The following VSNL1 variants were observed in gnomAD, a reference collection of about 807,000 sequenced individuals.
VSNL1 encodes visinin like 1.
A neutral mutation model predicts 20.4 loss-of-function variants in VSNL1; 6 were observed. That is an observed-to-expected ratio of 0.29 (90% CI 0.16 to 0.58). VSNL1 has a LOEUF of 0.58. VSNL1 is among the 20% of genes least tolerant of loss of function. VSNL1 has a pLI of 0.90. For synonymous variants in VSNL1, 93 were observed against 86.4 expected, an observed-to-expected ratio of 1.08 and a Z score of -0.42; for missense variants, 100 against 234.5, an observed-to-expected ratio of 0.43 and a Z score of 3.75.
At chr2:17,579,339 T>A (rs553800799) in intron 1 of VSNL1, among the ~76,000 whole-genome samples, 1 of 152,174 alleles carries the variant, frequency 6.6e-6, no homozygotes, top group South Asian at 2.1e-4. Flanking sequence ...ATAGTGTCGA[T>A]CTCCTGACCT....
intron 1 of VSNL1, among the ~76,000 whole-genome samples, chr2:17,562,446 T>C (rs1663838350): frequency 6.6e-6 from 1 of 152,186 alleles, no homozygotes; most frequent in Non-Finnish European, 1.5e-5. Context: ...ACAAAGCTAA[T>C]ATTAACATGA....
At position 17,541,603 on chromosome 2, in the gene VSNL1, T is replaced by A. The variant is rs562506687; in HGVS notation, c.-6+685T>A. ...AGGCTCGGTCGCTGAATGGGGACTG[T>A]CAGACCCAAACTAGTTACCTGCCTT... On this transcript the variant is annotated intron_variant, in intron 1 of 3. Coordinates refer to ENST00000295156, the MANE Select transcript of VSNL1 (RefSeq NM_003385.5). 3.9e-5 allele frequency: 6 copies of A among 152,320 alleles called. No individual in the cohort carries two copies. In the East Asian group the frequency reaches 7.7e-4, roughly 20 times the overall value. The allele number at this position is 152,320 out of a possible 1,614,324, so 9.4% of individuals were successfully genotyped here.
At position 17,598,477 on chromosome 2, in the gene VSNL1, T is replaced by C. The variant is rs554051766; in HGVS notation, c.162+6241T>C. 6.7e-4 allele frequency among the ~76,000 whole-genome samples: 102 copies of C among 152,332 alleles called. 3 individuals carry two copies. The South Asian group carries it at 0.02, about 29-fold the overall frequency. On this transcript the variant is annotated intron_variant, in intron 2 of 3. Transcript: ENST00000295156. ...CAGATTGCTAGGCCCCTTCCTCAGG[T>C]TGCTAGTTCACTGGAATTAGAGACC...
At chr2:17,626,203 T>C (rs1451500437) in intron 2 of VSNL1, among the ~76,000 whole-genome samples, 3 of 152,224 alleles carry the variant, frequency 2.0e-5, no homozygotes, top group Non-Finnish European at 4.4e-5. Context: ...CTGCAAAAAC[T>C]GGTGCCCTTG....
chr2:17,582,577 G>A (rs1457864801), intron 1 of VSNL1, among the ~76,000 whole-genome samples: 1 of 152,088 alleles, frequency 6.6e-6, no homozygotes, highest in Non-Finnish European at 1.5e-5. Flanking sequence ...TTAACTTGTT[G>A]ATAGGTTTAC....
intron 2 of VSNL1, among the ~76,000 whole-genome samples, chr2:17,642,309 C>CTTTTTTTTTTTTTCTTTTTTTTT (rs1665898273): frequency 1.1e-5 from 1 of 93,194 alleles, no homozygotes; most frequent in Non-Finnish European, 2.3e-5. Flanking sequence ...GTGAGCATTC[C>CTTTTTTTTTTTTTCTTTTTTTTT]TTTTTTTTTT....
rs114623335 is a variant in VSNL1 at position 17,588,968 on chromosome 2, C to T, written c.-5-3102C>T. On this transcript the variant is annotated intron_variant, in intron 1 of 3. Coordinates refer to ENST00000295156, the MANE Select transcript of VSNL1 (RefSeq NM_003385.5). ...GCAAAAATAAATAAATAATAGTCCT[C>T]TCTCTCAAGAAACCATAATAACAAT... Among the ~76,000 whole-genome samples, 896 of 152,242 alleles carry T rather than the reference C, an allele frequency of 5.9e-3. 2 individuals carry two copies. Among genetic ancestry groups the T allele is most frequent in the African/African-American group, 0.02 (841 of 41,520 alleles).
intron 1 of VSNL1, among the ~76,000 whole-genome samples, chr2:17,576,982 C>T (rs980781367): frequency 6.6e-6 from 1 of 152,222 alleles, no homozygotes; most frequent in Non-Finnish European, 1.5e-5. Flanking sequence ...ATTGTGCAAA[C>T]ATCATAGAGA....
At position 17,656,882 on chromosome 2, in the gene VSNL1, G is replaced by C. The variant is rs1352341106; in HGVS notation, c.*1488G>C. 2.0e-5 allele frequency: 3 copies of C among 152,202 alleles called. No homozygotes were observed. The highest frequency in any genetic ancestry group is 4.4e-5 in the Non-Finnish European group (3 of 68,042). The allele number at this position is 152,202 out of a possible 1,614,324, so 9.4% of individuals were successfully genotyped here. On this transcript the variant is annotated 3_prime_UTR_variant, in exon 4 of 4. Coordinates refer to ENST00000295156, the MANE Select transcript of VSNL1 (RefSeq NM_003385.5). ...AAGTGTAATTTGCCACATATAGCTA[G>C]TGGCTTTAGTAACAGACAGTTTAGT...
chr2:17,587,001 T>G (rs1287718406), intron 1 of VSNL1, among the ~76,000 whole-genome samples: 5 of 152,200 alleles, frequency 3.3e-5, no homozygotes, highest in Non-Finnish European at 7.3e-5. Flanking sequence ...CTAAGTAATC[T>G]GTCACTGACC....
intron 2 of VSNL1, among the ~76,000 whole-genome samples, chr2:17,606,081 C>T (rs976316168): frequency 9.9e-5 from 15 of 152,210 alleles, no homozygotes; most frequent in African/African-American, 2.4e-5. Flanking sequence ...AGTTAAGTAA[C>T]TATCCCAAGG....
chr2:17,651,908 T>C (rs1179463875), intron 3 of VSNL1, among the ~76,000 whole-genome samples: 1 of 152,242 alleles, frequency 6.6e-6, no homozygotes. Flanking sequence ...TATAGAGTGC[T>C]GAGATTAGTT....
At chr2:17,585,057 T>TA (rs1309233074) in intron 1 of VSNL1, among the ~76,000 whole-genome samples, 3 of 152,084 alleles carry the variant, frequency 2.0e-5, no homozygotes, top group Non-Finnish European at 4.4e-5. Flanking sequence ...TATTATAGAT[T>TA]AAAAAAATAT....
intron 2 of VSNL1, among the ~76,000 whole-genome samples, chr2:17,643,813 C>G (rs1665934000): frequency 6.6e-6 from 1 of 152,168 alleles, no homozygotes; most frequent in Non-Finnish European, 1.5e-5. Context: ...AAGGAACTTT[C>G]AGACCACAGC....
chr2:17,591,339 G>A (rs1664589246), intron 1 of VSNL1, among the ~76,000 whole-genome samples: 1 of 152,056 alleles, frequency 6.6e-6, no homozygotes, highest in African/African-American at 2.4e-5. Context: ...AATGGATATA[G>A]GTAACATTAT....
At chr2:17,621,762 G>T (rs957896205) in intron 2 of VSNL1, among the ~76,000 whole-genome samples, 2 of 152,070 alleles carry the variant, frequency 1.3e-5, no homozygotes, top group Non-Finnish European at 2.9e-5. Flanking sequence ...TGGGTAGCTG[G>T]GATTATAGGC....
chr2:17,568,197 G>T (rs1214145943), intron 1 of VSNL1, among the ~76,000 whole-genome samples: 1 of 152,030 alleles, frequency 6.6e-6, no homozygotes, highest in Non-Finnish European at 1.5e-5. Context: ...TTACCTAGAA[G>T]TTATAATTAC....
intron 2 of VSNL1, among the ~76,000 whole-genome samples, chr2:17,614,467 G>A (rs997577605): frequency 1.3e-5 from 2 of 152,222 alleles, no homozygotes; most frequent in African/African-American, 4.8e-5. Flanking sequence ...CCTTTGCTTA[G>A]CAGTCACAGG....
At chr2:17,552,809 T>C (rs545029791) in intron 1 of VSNL1, among the ~76,000 whole-genome samples, 143 of 152,300 alleles carry the variant, frequency 9.4e-4, no homozygotes, top group Admixed American at 2.5e-3. Context: ...GTTGAAAAGA[T>C]AGCACCCTGT....
Sources: allele counts gnomAD v4.1 joint callset (sites outside exome capture counted in the v4.1 genomes callset), GRCh38; gene constraint gnomAD v4.1.1; transcripts MANE v1.5; gene names NCBI Gene and HGNC (gene_info 2026-07-23, HGNC 2026-07-21).